Variants in CSMD3 observed in about 807,000 individuals in gnomAD.
CSMD3 encodes CUB and sushi domain-containing protein 3.
CSMD3 carries 177 observed loss-of-function variants against 435.2 expected under a neutral mutation model. The ratio of observed to expected loss-of-function variants is 0.41; its 90% confidence interval spans 0.36 to 0.46. The LOEUF (loss-of-function observed/expected upper bound fraction) is 0.46, where lower values mean the gene tolerates loss of function less well. CSMD3 is among the 20% of genes least tolerant of loss of function. The pLI is 0.34. For missense variants in CSMD3, 4,265 were observed against 4,504.6 expected, an observed-to-expected ratio of 0.95 and a Z score of 1.52; for synonymous variants, 1,656 against 1,520.5, an observed-to-expected ratio of 1.09 and a Z score of -2.07.
intron 22 of CSMD3, among the ~76,000 whole-genome samples, chr8:112,612,491 G>A (rs918135318): frequency 2.0e-5 from 3 of 152,002 alleles, no homozygotes; most frequent in Non-Finnish European, 4.4e-5. Context: ...CATGCTAAGA[G>A]ACTATAAATT....
chr8:113,339,241 T>C (rs942446182), intron 1 of CSMD3, among the ~76,000 whole-genome samples: 1 of 151,978 alleles, frequency 6.6e-6, no homozygotes, highest in African/African-American at 2.4e-5. Context: ...ATAATTATTA[T>C]AGTTTGCCAT....
At chr8:113,275,648 T>C (rs2093563900) in intron 3 of CSMD3, among the ~76,000 whole-genome samples, 1 of 151,782 alleles carries the variant, frequency 6.6e-6, no homozygotes, top group Non-Finnish European at 1.5e-5. Context: ...TAGAGGAGGA[T>C]GAAATAAAAA....
At chr8:113,050,724 C>T (rs2088050729) in intron 5 of CSMD3, among the ~76,000 whole-genome samples, 1 of 152,014 alleles carries the variant, frequency 6.6e-6, no homozygotes, top group Non-Finnish European at 1.5e-5. Flanking sequence ...CCAGAAGAGA[C>T]TGCTCTCTGA....
intron 18 of CSMD3, among the ~76,000 whole-genome samples, chr8:112,654,611 G>A (rs1341112878): frequency 6.6e-6 from 1 of 152,202 alleles, no homozygotes; most frequent in Non-Finnish European, 1.5e-5. Context: ...ATGCATTTGA[G>A]CAGGACTTCT....
At chr8:113,252,731 G>C (rs1257937748) in intron 3 of CSMD3, among the ~76,000 whole-genome samples, 2 of 152,044 alleles carry the variant, frequency 1.3e-5, no homozygotes, top group African/African-American at 4.8e-5. Context: ...AAAATATTAA[G>C]CTGTTTAAAA....
At chr8:112,923,712 C>A (rs2130648771) in intron 9 of CSMD3, among the ~76,000 whole-genome samples, 1 of 152,240 alleles carries the variant, frequency 6.6e-6, no homozygotes, top group South Asian at 2.1e-4. Flanking sequence ...ACTAAGAAAA[C>A]CTCAAGTCTC....
chr8:113,327,890 G>T (rs967056189), intron 1 of CSMD3, among the ~76,000 whole-genome samples: 22 of 152,138 alleles, frequency 1.4e-4, no homozygotes, highest in African/African-American at 5.3e-4. Flanking sequence ...CGTGCTCACA[G>T]GGGGCTTTGA....
intron 1 of CSMD3, among the ~76,000 whole-genome samples, chr8:113,343,733 A>T (rs968363904): frequency 6.6e-6 from 1 of 152,150 alleles, no homozygotes; most frequent in East Asian, 1.9e-4. Flanking sequence ...CATATTACAC[A>T]TAAGGAAATG....
chr8:112,504,252 A>C (rs1822285476), intron 29 of CSMD3, among the ~76,000 whole-genome samples: 1 of 152,126 alleles, frequency 6.6e-6, no homozygotes. Context: ...TGTAAGACAA[A>C]GAGTTTAGTT....
At chr8:112,880,590 C>T (rs551450655) in intron 10 of CSMD3, among the ~76,000 whole-genome samples, 1 of 152,104 alleles carries the variant, frequency 6.6e-6, no homozygotes, top group Non-Finnish European at 1.5e-5. Context: ...ACATTGAATA[C>T]AGAAAAACTC....
intron 5 of CSMD3, among the ~76,000 whole-genome samples, chr8:113,057,650 G>A (rs938302063): frequency 4.0e-5 from 6 of 151,818 alleles, no homozygotes; most frequent in African/African-American, 1.2e-4. Context: ...AGAAAATTTT[G>A]TTATTAGTAA....
intron 32 of CSMD3, among the ~76,000 whole-genome samples, chr8:112,470,893 CAA>C (rs905844288): frequency 6.7e-6 from 1 of 149,794 alleles, no homozygotes; most frequent in South Asian, 2.1e-4. Context: ...GTTTTGTCCA[CAA>C]AAAAAACAAG....
intron 9 of CSMD3, among the ~76,000 whole-genome samples, chr8:112,931,301 A>C (rs1261089303): frequency 1.3e-5 from 2 of 152,058 alleles, no homozygotes; most frequent in East Asian, 3.9e-4. Flanking sequence ...ATCCTGATTT[A>C]AACAACTTTG....
At chr8:112,962,114 T>C (rs1489924166) in intron 7 of CSMD3, among the ~76,000 whole-genome samples, 1 of 151,916 alleles carries the variant, frequency 6.6e-6, no homozygotes, top group African/African-American at 2.4e-5. Flanking sequence ...TTTTCGGTTG[T>C]ACAGTTAATA....
intron 13 of CSMD3, among the ~76,000 whole-genome samples, chr8:112,794,537 C>T (rs1016633151): frequency 2.6e-5 from 4 of 151,878 alleles, no homozygotes; most frequent in African/African-American, 9.7e-5. Flanking sequence ...TCAGATGATC[C>T]ACCCACCTCG....
chr8:112,628,386 CTTGG>C (rs143078179), intron 22 of CSMD3, among the ~76,000 whole-genome samples: 69,557 of 150,240 alleles, frequency 0.46, 16,535 homozygotes, highest in African/African-American at 0.54. Flanking sequence ...ATCTTAATTA[CTTGG>C]TTGGTTGGTT....
chr8:113,170,484 T>C (rs1482779127), intron 4 of CSMD3, among the ~76,000 whole-genome samples: 1 of 152,178 alleles, frequency 6.6e-6, no homozygotes, highest in Admixed American at 6.6e-5. Context: ...TTGCTCTATA[T>C]AGTTTGTATT....
intron 31 of CSMD3, among the ~76,000 whole-genome samples, chr8:112,473,573 G>A (rs16883689): frequency 0.2 from 30,328 of 151,976 alleles, 3,701 homozygotes; most frequent in East Asian, 0.39. Context: ...GGGGGTCAAG[G>A]GAGAAGAGTT....
intron 1 of CSMD3, among the ~76,000 whole-genome samples, chr8:113,363,663 T>C (rs1271722464): frequency 1.3e-5 from 2 of 152,142 alleles, no homozygotes; most frequent in East Asian, 1.9e-4. Flanking sequence ...AGTCTAATTT[T>C]CCTCCACCTC....
Sources: gnomAD v4.1 joint callset for allele counts (sites outside exome capture counted in the v4.1 genomes callset) on GRCh38, gnomAD v4.1.1 for gene constraint, MANE v1.5 for transcripts, NCBI Gene and HGNC (gene_info 2026-07-23, HGNC 2026-07-21) for gene names.